The following TRIM24 variants were observed in gnomAD, a reference collection of about 807,000 sequenced individuals.
TRIM24 encodes the protein transcription intermediary factor 1-alpha.
Under a neutral mutation model 123.9 loss-of-function variants are expected in TRIM24, and 29 were observed. The ratio of observed to expected loss-of-function variants is 0.23; its 90% confidence interval spans 0.17 to 0.32. TRIM24 has a LOEUF of 0.32. TRIM24 is among the 10% of genes least tolerant of loss of function. TRIM24 has a pLI of 1.00. For synonymous variants in TRIM24, 456 were observed against 461.1 expected (o/e 0.99, Z 0.14); for missense variants, 932 against 1,295.3 (o/e 0.72, Z 4.31).
At chr7:138,576,476 A>G in intron 13 of TRIM24, 31 bp downstream of exon 13, 1 of 1,592,546 alleles carries the variant, frequency 6.3e-7, no homozygotes, top group South Asian at 1.1e-5. Context: ...TTTCTAGTAT[A>G]TAAAAATCTC....
intron 1 of TRIM24, among the ~76,000 whole-genome samples, chr7:138,501,055 T>G (rs1796028259): frequency 6.6e-6 from 1 of 151,566 alleles, no homozygotes; most frequent in Non-Finnish European, 1.5e-5. Flanking sequence ...AGGGAGTGAG[T>G]GATGAGTGCA....
intron 4 of TRIM24, among the ~76,000 whole-genome samples, chr7:138,520,179 G>A (rs1796477183): frequency 6.6e-6 from 1 of 152,178 alleles, no homozygotes; most frequent in African/African-American, 2.4e-5. Context: ...AGGCTCACAG[G>A]GCTGAGAAAT....
intron 7 of TRIM24, among the ~76,000 whole-genome samples, chr7:138,548,735 A>AAC (rs1256767700): frequency 6.6e-6 from 1 of 152,198 alleles, no homozygotes; most frequent in Non-Finnish European, 1.5e-5. Flanking sequence ...TTAAAACACA[A>AAC]ACACATTGTA....
intron 1 of TRIM24, among the ~76,000 whole-genome samples, chr7:138,469,945 G>C (rs10229430): frequency 0.013 from 1,986 of 152,134 alleles, 34 homozygotes; most frequent in African/African-American, 0.045. Context: ...AGGACCAAAG[G>C]ATGTGTGCCT....
chr7:138,492,282 AAAAAAAAAAAAAAAAAG>A (rs1342076211), intron 1 of TRIM24, among the ~76,000 whole-genome samples: 1 of 139,626 alleles, frequency 7.2e-6, no homozygotes, highest in African/African-American at 2.5e-5. Flanking sequence ...CCAAAAAAAA[AAAAAAAAAAAAAAAAAG>A]GGAAAGAAAA....
At chr7:138,488,255 T>A (rs1225513546) in intron 1 of TRIM24, among the ~76,000 whole-genome samples, 1 of 152,064 alleles carries the variant, frequency 6.6e-6, no homozygotes, top group Non-Finnish European at 1.5e-5. Context: ...TTAGTCTTGG[T>A]AGTGTTCTAT....
Position 138,529,564 on chromosome 7 carries a change from A to G in TRIM24, c.996+334A>G, listed in dbSNP as rs1337770338. 2.0e-5 allele frequency among the ~76,000 whole-genome samples: 3 copies of G among 152,230 alleles called. No homozygotes were observed. In the East Asian group the frequency reaches 5.8e-4, roughly 29 times the overall value. ...CATCACCAAGGTGGTTTAGTGGAGC[A>G]GAATTTTCTAGAAAGATACACTGTT... On this transcript the variant is annotated intron_variant, in intron 6 of 18. Coordinates refer to ENST00000343526, the MANE Select transcript of TRIM24 (RefSeq NM_015905.3).
intron 16 of TRIM24, 131 bp from the exon 17 acceptor site, chr7:138,581,566 A>C (rs1372995051): frequency 2.8e-6 from 2 of 706,770 alleles, no homozygotes; most frequent in Admixed American, 3.0e-5. Context: ...AGAATCAGTA[A>C]TTTTTTTGTA....
chr7:138,554,816 A>G lies in TRIM24; in HGVS notation c.1380A>G (p.Pro460=). The change falls in exon 9 of 19, where the codon CCA becomes CCG. Residue 460 remains proline (P), a synonymous_variant. Coordinates refer to ENST00000343526, the MANE Select transcript of TRIM24 (RefSeq NM_015905.3). This position sits in a 1 kb window ranked among gnomAD's most constrained non-coding sequence, Gnocchi z 4.5. ...GLSSNQLSKF[P]TQISLAQLRL... ...CATCAAACCAGTTATCCAAGTTCCC[A>G]ACACAGATCAGCCTAGCTCAATTAC... 6.2e-7 allele frequency: 1 copy of G among 1,614,216 alleles called. No individual in the cohort carries two copies. Among genetic ancestry groups the G allele is most frequent in the Non-Finnish European group, 8.5e-7 (1 of 1,180,030 alleles).
intron 1 of TRIM24, among the ~76,000 whole-genome samples, chr7:138,478,535 AGT>A (rs1795454717): frequency 6.6e-6 from 1 of 152,108 alleles, no homozygotes; most frequent in Non-Finnish European, 1.5e-5. Context: ...AGAGTGCAGT[AGT>A]GCAAACACAG....
Position 138,567,562 on chromosome 7 carries a change from C to A in TRIM24, c.1612C>A (p.Leu538Met). ...AGTTCTTCCTCCTCATCCTCAACAACTGAGATATCCACCAAACCAGAACAT... is the reference window on the plus strand; with the variant it reads ...AGTTCTTCCTCCTCATCCTCAACAAATGAGATATCCACCAAACCAGAACAT... Reference protein sequence around the residue: ...GPVLPPHPQQLRYPPNQNIPR... With the variant: ...GPVLPPHPQQMRYPPNQNIPR... The change falls in exon 10 of 19, where the codon CTG becomes ATG. Residue 538 changes from leucine (L) to methionine (M), a missense_variant. By Grantham distance (15) the Leu-to-Met change is conservative. Coordinates refer to ENST00000343526, the MANE Select transcript of TRIM24 (RefSeq NM_015905.3). 1 of 1,614,080 alleles carries A rather than the reference C, an allele frequency of 6.2e-7. No homozygotes were observed.
At chr7:138,574,066 C>T (rs1563065807) in intron 12 of TRIM24, among the ~76,000 whole-genome samples, 1 of 152,230 alleles carries the variant, frequency 6.6e-6, no homozygotes, top group East Asian at 1.9e-4. Context: ...AGCCATCATA[C>T]TAGGCCTTCT....
intron 11 of TRIM24, among the ~76,000 whole-genome samples, chr7:138,573,127 T>G (rs10256094): frequency 0.018 from 2,776 of 152,338 alleles, 71 homozygotes; most frequent in African/African-American, 0.061. Flanking sequence ...GAATGCTGTT[T>G]AGGGAGACAT....
At chr7:138,558,448 T>A (rs150824187) in intron 9 of TRIM24, among the ~76,000 whole-genome samples, 1,946 of 152,268 alleles carry the variant, frequency 0.013, 16 homozygotes, top group Non-Finnish European at 0.021. Flanking sequence ...AGAGTAAAGT[T>A]ACCTTGGGGC....
intron 1 of TRIM24, among the ~76,000 whole-genome samples, chr7:138,467,754 C>CATAGT (rs1487688816): frequency 5.3e-5 from 8 of 152,086 alleles, no homozygotes; most frequent in African/African-American, 1.9e-4. Flanking sequence ...TTTTTGTTTA[C>CATAGT]ATAGTATAAA....
intron 1 of TRIM24, among the ~76,000 whole-genome samples, chr7:138,472,938 C>G (rs1258050760): frequency 1.3e-5 from 2 of 152,170 alleles, no homozygotes; most frequent in East Asian, 3.8e-4. Flanking sequence ...TGGACTCAAG[C>G]AGTTCTCCTG....
At chr7:138,540,949 C>T (rs1161034830) in intron 7 of TRIM24, among the ~76,000 whole-genome samples, 1 of 152,142 alleles carries the variant, frequency 6.6e-6, no homozygotes, top group Non-Finnish European at 1.5e-5. Context: ...AGCAATTCTC[C>T]TGCCTCAGCC....
intron 2 of TRIM24, among the ~76,000 whole-genome samples, chr7:138,510,389 ATG>A (rs558171045): frequency 6.6e-6 from 1 of 151,842 alleles, no homozygotes; most frequent in African/African-American, 2.4e-5. Flanking sequence ...CAATCAAATC[ATG>A]TGTGTGTGTG....
At chr7:138,583,452 T>G (rs1439508275) in intron 17 of TRIM24, among the ~76,000 whole-genome samples, 3 of 152,142 alleles carry the variant, frequency 2.0e-5, no homozygotes, top group Non-Finnish European at 2.9e-5. Flanking sequence ...AAACCCCATC[T>G]CTACAAAAAA....
Sources: allele counts gnomAD v4.1 joint callset (sites outside exome capture counted in the v4.1 genomes callset), GRCh38; gene constraint gnomAD v4.1.1; non-coding constraint Gnocchi (gnomAD v3.1); transcripts MANE v1.5; gene names NCBI Gene and HGNC (gene_info 2026-07-23, HGNC 2026-07-21).